SHROOM3: variants seen among roughly 807,000 people sequenced by gnomAD.
SHROOM3 encodes the protein protein Shroom3.
A neutral mutation model predicts 138.6 loss-of-function variants in SHROOM3; 47 were observed. That is an observed-to-expected ratio of 0.34 (90% CI 0.27 to 0.43). The LOEUF (loss-of-function observed/expected upper bound fraction) is 0.43. SHROOM3 is among the 20% of genes least tolerant of loss of function. SHROOM3 has a pLI of 1.00. For missense variants in SHROOM3, 2,491 were observed against 2,596.5 expected (o/e 0.96, Z 0.88); for synonymous variants, 1,062 against 1,063.3 (o/e 1.00, Z 0.02).
intron 8 of SHROOM3, chr4:76,758,715 A>AT (rs748103962): frequency 1.3e-5 from 2 of 152,158 alleles, no homozygotes; most frequent in Non-Finnish European, 2.9e-5. Context: ...AGTAAAGATG[A>AT]TTTTTTGTGT....
chr4:76,692,037 T>C lies in SHROOM3; in HGVS notation c.324-18119T>C, dbSNP rs190179200. On this transcript the variant is annotated intron_variant, in intron 2 of 10. Transcript: ENST00000296043. Reference sequence around the variant, plus strand: ...TGTGACCTCAATTGCCTTGACACCTTCCTCCCCTTCTGTAGTATCACTTGA... The same window carrying C: ...TGTGACCTCAATTGCCTTGACACCTCCCTCCCCTTCTGTAGTATCACTTGA... Among the ~76,000 whole-genome samples, 302 of 152,262 alleles carry C rather than the reference T, an allele frequency of 2.0e-3. 1 individual carries two copies. The highest frequency in any genetic ancestry group is 6.9e-3 in the African/African-American group (288 of 41,560).
chr4:76,603,215 G>A (rs1000532440), intron 2 of SHROOM3, among the ~76,000 whole-genome samples: 13 of 152,088 alleles, frequency 8.5e-5, no homozygotes, highest in African/African-American at 1.9e-4. Flanking sequence ...TCAGGAGATC[G>A]AAACCATCCT....
rs143246531 is a variant in SHROOM3, at chr4:76,779,097, C to A, written c.5911C>A (p.Pro1971Thr). The change falls in exon 11 of 11, where the codon CCA becomes ACA. Residue 1971 changes from proline to threonine, a missense_variant. Coordinates refer to ENST00000296043, the MANE Select transcript of SHROOM3 (RefSeq NM_020859.4). ...IPKAGALALP[P>T]NLTSEPIPAG... The stretch of plus-strand genomic sequence containing the variant: ...CAAGGCTGGGGCCCTGGCTCTGCCC[C>A]CAAACCTCACGAGTGAGCCCATTCC... 1.2e-6 allele frequency: 2 copies of A among 1,614,200 alleles called. No individual in the cohort carries two copies. Among genetic ancestry groups the A allele is most frequent in the Middle Eastern group, 1.6e-4 (1 of 6,062 alleles).
At chr4:76,620,091 A>AAAAAAAG (rs749696462) in intron 2 of SHROOM3, among the ~76,000 whole-genome samples, 1,749 of 134,736 alleles carry the variant, frequency 0.013, 55 homozygotes, top group East Asian at 0.081. Flanking sequence ...AAAAAAAAAA[A>AAAAAAAG]AAGAAGAAAA....
chr4:76,695,541 C>G (rs1050156619), intron 2 of SHROOM3, among the ~76,000 whole-genome samples: 8 of 152,140 alleles, frequency 5.3e-5, no homozygotes, highest in Admixed American at 5.2e-4. Flanking sequence ...TTCTGGAGAA[C>G]CTTGAGCTAA....
chr4:76,668,735 G>A (rs1204209952), intron 2 of SHROOM3, among the ~76,000 whole-genome samples: 1 of 152,202 alleles, frequency 6.6e-6, no homozygotes, highest in Non-Finnish European at 1.5e-5. Context: ...CACCTGCACA[G>A]TTTGAAATAG....
chr4:76,456,445 G>A (rs1481945340), intron 1 of SHROOM3, among the ~76,000 whole-genome samples: 3 of 152,164 alleles, frequency 2.0e-5, no homozygotes, highest in Non-Finnish European at 4.4e-5. Context: ...TCAGAGATTT[G>A]TGGAATTTTT....
At chr4:76,460,827 C>CAAAAAAGAAAAAAAA (rs1731125681) in intron 1 of SHROOM3, among the ~76,000 whole-genome samples, 2 of 78,770 alleles carry the variant, frequency 2.5e-5, no homozygotes, top group East Asian at 4.7e-4. Flanking sequence ...CCCGTATCTA[C>CAAAAAAGAAAAAAAA]AAAAAAAAAA....
chr4:76,468,584 C>A (rs1023803603), intron 1 of SHROOM3, among the ~76,000 whole-genome samples: 13 of 150,306 alleles, frequency 8.6e-5, no homozygotes, highest in African/African-American at 2.9e-4. Context: ...TAATTAAAGC[C>A]AAAATTGTAT....
intron 2 of SHROOM3, among the ~76,000 whole-genome samples, chr4:76,665,778 T>A (rs1718675686): frequency 6.6e-6 from 1 of 152,242 alleles, no homozygotes; most frequent in Non-Finnish European, 1.5e-5. Context: ...TTGATGGAGC[T>A]AGGACCTGGC....
chr4:76,685,874 A>C (rs1271932950), intron 2 of SHROOM3, among the ~76,000 whole-genome samples: 1 of 152,154 alleles, frequency 6.6e-6, no homozygotes, highest in African/African-American at 2.4e-5. Context: ...GCTACTCGGG[A>C]GGCAGGAGAA....
chr4:76,669,976 C>G (rs1718830335), intron 2 of SHROOM3, among the ~76,000 whole-genome samples: 1 of 152,210 alleles, frequency 6.6e-6, no homozygotes, highest in African/African-American at 2.4e-5. Flanking sequence ...CAAAACTGCT[C>G]TCTTTCTAGT....
At chr4:76,512,717 A>G (rs1579204332) in intron 1 of SHROOM3, among the ~76,000 whole-genome samples, 2 of 152,200 alleles carry the variant, frequency 1.3e-5, no homozygotes, top group Non-Finnish European at 2.9e-5. Flanking sequence ...GGATACTGCA[A>G]TGAGCGTGGA....
chr4:76,542,370 A>G (rs910892048), intron 1 of SHROOM3, among the ~76,000 whole-genome samples: 2 of 152,340 alleles, frequency 1.3e-5, no homozygotes, highest in African/African-American at 4.8e-5. Context: ...CTCCTAGTCC[A>G]TGTGACTATG....
At chr4:76,738,573 T>C (rs1366054479) in intron 4 of SHROOM3, among the ~76,000 whole-genome samples, 188 bp from the exon 5 acceptor site, 1 of 152,118 alleles carries the variant, frequency 6.6e-6, no homozygotes, top group Non-Finnish European at 1.5e-5. Flanking sequence ...TAGGTTAGAG[T>C]GTTGGGCAGT....
chr4:76,594,701 T>C (rs575580705), intron 2 of SHROOM3, among the ~76,000 whole-genome samples: 43 of 152,212 alleles, frequency 2.8e-4, no homozygotes, highest in Non-Finnish European at 5.4e-4. Flanking sequence ...TATGTGACAA[T>C]TGGGGAGGGA....
At chr4:76,668,442 A>G (rs1323940370) in intron 2 of SHROOM3, among the ~76,000 whole-genome samples, 1 of 152,080 alleles carries the variant, frequency 6.6e-6, no homozygotes, top group African/African-American at 2.4e-5. Context: ...ACGTAGTGGC[A>G]CATGCCTGTA....
intron 2 of SHROOM3, among the ~76,000 whole-genome samples, chr4:76,648,380 G>A (rs776478810): frequency 6.6e-6 from 1 of 152,196 alleles, no homozygotes; most frequent in African/African-American, 2.4e-5. Flanking sequence ...TTTCATAAGT[G>A]TCTGAGTAAC....
In SHROOM3 at chr4:76,741,275, G is replaced by A. The variant is rs200570466; in HGVS notation, c.3102G>A (p.Glu1034=). ...TGAACGAGGTGGGGATCGTGGAGGA[G>A]GCCGAACCGGCACCCCTGGGCCCGC... ...EKMNEVGIVE[E]AEPAPLGPQR... is the part of the protein sequence containing the mutation. The change falls in exon 5 of 11, where the codon GAG becomes GAA. Residue 1034 remains glutamate, a synonymous_variant. Coordinates refer to ENST00000296043, the MANE Select transcript of SHROOM3 (RefSeq NM_020859.4). The surrounding 1 kb of genome is among the most constrained non-coding windows in gnomAD (Gnocchi z 6.2). 6.2e-7 allele frequency: 1 copy of A among 1,612,028 alleles called. No homozygotes were observed. Among genetic ancestry groups the A allele is most frequent in the South Asian group, 1.1e-5 (1 of 91,054 alleles).
Sources: gnomAD v4.1 joint callset for allele counts (sites outside exome capture counted in the v4.1 genomes callset) on GRCh38, gnomAD v4.1.1 for gene constraint, Gnocchi (gnomAD v3.1) non-coding constraint, MANE v1.5 for transcripts, NCBI Gene and HGNC (gene_info 2026-07-23, HGNC 2026-07-21) for gene names.